The following NDST4 variants were observed in gnomAD, a reference collection of about 807,000 sequenced individuals.
NDST4 encodes the protein N-deacetylase and N-sulfotransferase 4.
A neutral mutation model predicts 100.8 loss-of-function variants in NDST4; 63 were observed. The observed-to-expected ratio is 0.62, with a 90% CI of 0.51 to 0.77. The LOEUF is 0.77. NDST4 is among the 30% of genes least tolerant of loss of function. NDST4 has a pLI of 0.00. For synonymous variants in NDST4, 377 were observed against 361.8 expected (o/e 1.04, Z -0.48); for missense variants, 943 against 1,018.4 (o/e 0.93, Z 1.01).
Position 114,888,235 on chromosome 4 carries a change from AAT to A in NDST4, c.1537-17287_1537-17286del, listed in dbSNP as rs555464799. Among the ~76,000 whole-genome samples the A allele has an allele frequency of 7.7e-3, 1,150 of 150,300 alleles. 10 individuals are homozygous for A. The highest frequency in any genetic ancestry group is 0.011 in the South Asian group (52 of 4,792). On this transcript the variant is annotated intron_variant, in intron 6 of 13. Coordinates refer to ENST00000264363, the MANE Select transcript of NDST4 (RefSeq NM_022569.3). ...TAAATAAATAATTTAATTTAATTAA[AAT>A]ATATATATATATTTATTGATACCTT...
intron 2 of NDST4, among the ~76,000 whole-genome samples, chr4:115,030,337 C>T (rs1166242561): frequency 6.6e-6 from 1 of 152,028 alleles, no homozygotes; most frequent in Non-Finnish European, 1.5e-5. Context: ...AATTTTTATT[C>T]TGTTAATACT....
intron 10 of NDST4, among the ~76,000 whole-genome samples, chr4:114,841,718 T>G (rs749254029): frequency 1.3e-5 from 2 of 152,200 alleles, no homozygotes; most frequent in Non-Finnish European, 2.9e-5. Context: ...AAAAATAAGT[T>G]TATCTTGCTT....
intron 2 of NDST4, among the ~76,000 whole-genome samples, chr4:114,994,035 A>G (rs1727107679): frequency 6.6e-6 from 1 of 152,024 alleles, no homozygotes; most frequent in African/African-American, 2.4e-5. Context: ...AATTCCAAAA[A>G]GAATATCTGA....
rs1339135559 is a variant in NDST4, at chr4:114,878,166, T to A, written c.1537-7216A>T. On this transcript the variant is annotated intron_variant, in intron 6 of 13. Coordinates refer to ENST00000264363, the MANE Select transcript of NDST4 (RefSeq NM_022569.3). ...AAATTGTTTCGCTCATGTCTTTAAATCTCCACTTACAGTAAACTTCAGTTA... is the reference window on the plus strand; with the variant it reads ...AAATTGTTTCGCTCATGTCTTTAAAACTCCACTTACAGTAAACTTCAGTTA... Among the ~76,000 whole-genome samples, 3 of 152,130 alleles carry A rather than the reference T, an allele frequency of 2.0e-5. No homozygotes were observed. The South Asian group carries it at 6.2e-4, about 31-fold the overall frequency.
At chr4:115,091,507 T>C (rs186676054) in intron 1 of NDST4, among the ~76,000 whole-genome samples, 18 of 152,228 alleles carry the variant, frequency 1.2e-4, no homozygotes, top group Non-Finnish European at 2.2e-4. Context: ...AAGAGCTATA[T>C]TTGAAATAAC....
chr4:114,840,953 G>A (rs1161563341), intron 10 of NDST4, among the ~76,000 whole-genome samples: 1 of 152,112 alleles, frequency 6.6e-6, no homozygotes, highest in Admixed American at 6.6e-5. Flanking sequence ...TTTTACATGT[G>A]TATACCTTAT....
chr4:115,050,256 A>C (rs1331701738), intron 2 of NDST4, among the ~76,000 whole-genome samples: 1 of 152,166 alleles, frequency 6.6e-6, no homozygotes, highest in Non-Finnish European at 1.5e-5. Context: ...ATCCTCAAAC[A>C]TGTCAATATT....
At chr4:115,095,416 G>A (rs1022928749) in intron 1 of NDST4, among the ~76,000 whole-genome samples, 2 of 152,082 alleles carry the variant, frequency 1.3e-5, no homozygotes, top group African/African-American at 4.8e-5. Flanking sequence ...ACTGAAATCT[G>A]GCTTTCCCCT....
chr4:114,982,881 A>T (rs1464571446), intron 2 of NDST4, among the ~76,000 whole-genome samples: 1 of 151,948 alleles, frequency 6.6e-6, no homozygotes, highest in African/African-American at 2.4e-5. Context: ...CAGCCTAGGG[A>T]TATGGTGCCC....
intron 6 of NDST4, among the ~76,000 whole-genome samples, chr4:114,875,041 G>A (rs775951225): frequency 2.0e-4 from 31 of 152,110 alleles, no homozygotes; most frequent in Non-Finnish European, 4.0e-4. Context: ...AACAAGCAGA[G>A]CTTTATCTTT....
intron 6 of NDST4, among the ~76,000 whole-genome samples, chr4:114,885,098 A>G (rs999180860): frequency 4.6e-5 from 7 of 152,084 alleles, no homozygotes; most frequent in Admixed American, 1.3e-4. Context: ...ACTTTTTATT[A>G]TACTAGCAAA....
chr4:114,884,535 G>A (rs1724437731), intron 6 of NDST4, among the ~76,000 whole-genome samples: 1 of 152,028 alleles, frequency 6.6e-6, no homozygotes, highest in South Asian at 2.1e-4. Flanking sequence ...AGTTCTTTAA[G>A]TCTCTACAGT....
intron 2 of NDST4, among the ~76,000 whole-genome samples, chr4:115,037,086 G>A (rs998489971): frequency 7.2e-5 from 11 of 151,974 alleles, no homozygotes; most frequent in African/African-American, 2.4e-4. Context: ...CATGAAAAGA[G>A]GAACAGGATT....
intron 4 of NDST4, among the ~76,000 whole-genome samples, chr4:114,961,945 C>T (rs949991540): frequency 3.3e-5 from 5 of 151,936 alleles, no homozygotes; most frequent in African/African-American, 1.2e-4. Context: ...CCCAAAAAGG[C>T]ACTAGCAATC....
Position 114,990,872 on chromosome 4 carries a change from C to T in NDST4, c.979-13598G>A, listed in dbSNP as rs578228454. 1.7e-3 allele frequency among the ~76,000 whole-genome samples: 259 copies of T among 152,100 alleles called. 1 individual carries two copies. The highest frequency in any genetic ancestry group is 2.7e-3 in the Non-Finnish European group (182 of 67,926). ...TCAAATTTAACGCACCGAGGCATTT[C>T]GCTGTGCCATATTAGGTTTATTTAT... On this transcript the variant is annotated intron_variant, in intron 2 of 13. Transcript: ENST00000264363.
At chr4:115,086,975 G>A (rs758496699) in intron 1 of NDST4, among the ~76,000 whole-genome samples, 2 of 151,896 alleles carry the variant, frequency 1.3e-5, no homozygotes, top group Non-Finnish European at 2.9e-5. Context: ...ATCACTGCTT[G>A]GAACTTTGTA....
chr4:115,004,202 T>C (rs886738295), intron 2 of NDST4, among the ~76,000 whole-genome samples: 3 of 152,196 alleles, frequency 2.0e-5, no homozygotes, highest in Non-Finnish European at 4.4e-5. Context: ...CTGAAAATCA[T>C]TTGTACCAAC....
At chr4:114,885,509 T>C (rs1724459417) in intron 6 of NDST4, among the ~76,000 whole-genome samples, 1 of 152,144 alleles carries the variant, frequency 6.6e-6, no homozygotes, top group African/African-American at 2.4e-5. Flanking sequence ...TTTTATAATA[T>C]ATTCATGACC....
At chr4:115,005,775 T>A (rs139335915) in intron 2 of NDST4, among the ~76,000 whole-genome samples, 245 of 151,492 alleles carry the variant, frequency 1.6e-3, no homozygotes, top group African/African-American at 5.8e-3. Context: ...CCAGAAAAAA[T>A]AAAACAGAAA....
Sources: allele counts gnomAD v4.1 joint callset (sites outside exome capture counted in the v4.1 genomes callset), GRCh38; gene constraint gnomAD v4.1.1; transcripts MANE v1.5; gene names NCBI Gene and HGNC (gene_info 2026-07-23, HGNC 2026-07-21).